Variants in ARHGEF26 observed in about 807,000 individuals in gnomAD.
ARHGEF26 encodes the protein Rho guanine nucleotide exchange factor 26.
In ARHGEF26, 59 loss-of-function variants were observed where a neutral mutation model predicts 89.4. The observed-to-expected ratio is 0.66, with a 90% CI of 0.54 to 0.82. The LOEUF (loss-of-function observed/expected upper bound fraction) is 0.82, where lower values mean the gene tolerates loss of function less well. Ranked by LOEUF, ARHGEF26 falls within the 40% of genes least tolerant of loss-of-function variation. The pLI is 0.00. For missense variants in ARHGEF26, 1,234 were observed against 1,085.6 expected (o/e 1.14, Z -1.92); for synonymous variants, 500 against 428.4 (o/e 1.17, Z -2.06).
intron 9 of ARHGEF26, among the ~76,000 whole-genome samples, chr3:154,199,166 AT>A (rs201409889): frequency 1.2e-3 from 182 of 147,960 alleles, no homozygotes; most frequent in African/African-American, 4.2e-3. Context: ...TGTTCATTTT[AT>A]TTTTTTTTTA....
At chr3:154,247,124 T>C (rs770783021) in intron 12 of ARHGEF26, among the ~76,000 whole-genome samples, 1 of 152,200 alleles carries the variant, frequency 6.6e-6, no homozygotes, top group Non-Finnish European at 1.5e-5. Flanking sequence ...AACCCTTTTT[T>C]TGAGATTATG....
chr3:154,202,528 G>T (rs188840977), intron 9 of ARHGEF26, among the ~76,000 whole-genome samples: 1 of 151,998 alleles, frequency 6.6e-6, no homozygotes, highest in Non-Finnish European at 1.5e-5. Flanking sequence ...GTTTTTTCCA[G>T]TTCTGTGAAG....
chr3:154,129,721 TGA>T lies in ARHGEF26; in HGVS notation c.1269+4_1269+5del, dbSNP rs1252117244. 1.2e-6 allele frequency: 2 copies of T among 1,608,846 alleles called. No homozygotes were observed. Among genetic ancestry groups the T allele is most frequent in the South Asian group, 2.2e-5 (2 of 89,670 alleles). ...TCCACATGGAGCCAACTCTCTGCGG[TGA>T]GTGTTTATCTTCTTTTCTATCTGTG... On this transcript the variant is annotated splice_donor_region_variant and intron_variant, in intron 4 of 14. Transcript: ENST00000465093.
chr3:154,168,047 G>A (rs963390896), intron 6 of ARHGEF26, among the ~76,000 whole-genome samples: 15 of 152,122 alleles, frequency 9.9e-5, no homozygotes, highest in Admixed American at 7.2e-4. Flanking sequence ...AAGCCATGTG[G>A]TGTGCATGAG....
chr3:154,212,504 G>A (rs564051462), intron 9 of ARHGEF26, among the ~76,000 whole-genome samples: 3 of 150,432 alleles, frequency 2.0e-5, no homozygotes, highest in African/African-American at 7.3e-5. Flanking sequence ...TCCAATATTA[G>A]CATATGACTG....
chr3:154,222,800 A>G (rs1716218768), intron 10 of ARHGEF26, among the ~76,000 whole-genome samples: 1 of 152,194 alleles, frequency 6.6e-6, no homozygotes, highest in Non-Finnish European at 1.5e-5. Flanking sequence ...AATAGTCTTC[A>G]GGATAGTTTG....
chr3:154,221,334 T>C (rs368058379), intron 10 of ARHGEF26, among the ~76,000 whole-genome samples: 1 of 152,220 alleles, frequency 6.6e-6, no homozygotes, highest in East Asian at 1.9e-4. Flanking sequence ...TGATACCCCA[T>C]TTTATTGATG....
At chr3:154,173,353 A>G (rs954826868) in intron 6 of ARHGEF26, among the ~76,000 whole-genome samples, 2 of 152,194 alleles carry the variant, frequency 1.3e-5, no homozygotes, top group African/African-American at 4.8e-5. Context: ...TTTTCTGCCA[A>G]TTTTAATTCA....
At chr3:154,124,525 G>GT (rs1376507849) in intron 3 of ARHGEF26, 76 bp downstream of exon 3, 2 of 1,294,660 alleles carry the variant, frequency 1.5e-6, no homozygotes, top group African/African-American at 3.1e-5. Flanking sequence ...TCCAACTGCA[G>GT]TAACAAAAAT....
intron 4 of ARHGEF26, among the ~76,000 whole-genome samples, chr3:154,139,878 A>C (rs1719250874): frequency 6.6e-6 from 1 of 152,230 alleles, no homozygotes; most frequent in African/African-American, 2.4e-5. Flanking sequence ...GATAAGAACT[A>C]TACAGTCAGT....
intron 9 of ARHGEF26, among the ~76,000 whole-genome samples, chr3:154,195,361 G>GC (rs1434996383): frequency 1.3e-5 from 2 of 152,204 alleles, no homozygotes; most frequent in African/African-American, 4.8e-5. Context: ...TGTTATACAT[G>GC]CTAGGCTGTT....
chr3:154,172,227 T>A (rs1214268989), intron 6 of ARHGEF26, among the ~76,000 whole-genome samples: 3 of 152,148 alleles, frequency 2.0e-5, no homozygotes, highest in African/African-American at 7.2e-5. Flanking sequence ...ATTGGAGTAA[T>A]CAGCATCACT....
At chr3:154,235,743 C>T (rs1017977476) in intron 11 of ARHGEF26, among the ~76,000 whole-genome samples, 10 of 151,752 alleles carry the variant, frequency 6.6e-5, no homozygotes, top group African/African-American at 2.4e-4. Context: ...AGTGTCAGAT[C>T]CCTCCTTTTT....
chr3:154,245,777 C>T (rs1717768454), intron 12 of ARHGEF26, among the ~76,000 whole-genome samples: 1 of 152,224 alleles, frequency 6.6e-6, no homozygotes, highest in African/African-American at 2.4e-5. Flanking sequence ...GCCTTCATTT[C>T]TCCAGATTAA....
intron 6 of ARHGEF26, among the ~76,000 whole-genome samples, chr3:154,155,076 T>G (rs972249214): frequency 6.6e-5 from 10 of 151,892 alleles, no homozygotes; most frequent in Admixed American, 6.6e-4. Context: ...TCTAGCAGAG[T>G]ATGTCAACAA....
intron 4 of ARHGEF26, among the ~76,000 whole-genome samples, chr3:154,138,327 G>T (rs1719145957): frequency 6.6e-6 from 1 of 152,148 alleles, no homozygotes; most frequent in South Asian, 2.1e-4. Flanking sequence ...GAGCACCTTA[G>T]TGTAGCTTGT....
intron 9 of ARHGEF26, 78 bp from the exon 10 acceptor site, chr3:154,217,791 T>C: frequency 1.8e-6 from 2 of 1,118,708 alleles, no homozygotes; most frequent in Middle Eastern, 2.0e-4. Flanking sequence ...TGGTAATTAT[T>C]TCCTGTGAGA....
At chr3:154,224,091 T>A (rs1378569250) in intron 10 of ARHGEF26, among the ~76,000 whole-genome samples, 1 of 152,226 alleles carries the variant, frequency 6.6e-6, no homozygotes, top group African/African-American at 2.4e-5. Context: ...TTTTCTAGTT[T>A]CTGGTTCACA....
rs1271228194 is a variant in ARHGEF26, at chr3:154,151,557, T to A, written c.1327-1215T>A. ...GGGGTTATTGTATTGATTGAAAAAA[T>A]TCAATACGCAGGTTAAATGAGACTC... On this transcript the variant is annotated intron_variant, in intron 5 of 14. Transcript: ENST00000465093. 3.3e-5 allele frequency among the ~76,000 whole-genome samples: 5 copies of A among 152,154 alleles called. No homozygotes were observed. The East Asian group carries it at 9.6e-4, about 29-fold the overall frequency.
Sources: allele counts gnomAD v4.1 joint callset (sites outside exome capture counted in the v4.1 genomes callset), GRCh38; gene constraint gnomAD v4.1.1; transcripts MANE v1.5; gene names NCBI Gene and HGNC (gene_info 2026-07-23, HGNC 2026-07-21).